Variants in ARIH1 observed in about 807,000 individuals in gnomAD.
ARIH1 encodes ariadne RBR E3 ubiquitin protein ligase 1, also known as E3 ubiquitin-protein ligase ARIH1.
ARIH1 carries 8 observed loss-of-function variants against 85.0 expected under a neutral mutation model. That is an observed-to-expected ratio of 0.09 (90% CI 0.06 to 0.17). The LOEUF (loss-of-function observed/expected upper bound fraction) is 0.17. Among genes scored for constraint, ARIH1 ranks in the 10% least tolerant of loss-of-function variants. ARIH1 has a pLI of 1.00. For missense variants in ARIH1, 311 were observed against 718.1 expected (o/e 0.43, Z 6.48); for synonymous variants, 238 against 253.6 (o/e 0.94, Z 0.59).
At chr15:72,558,917 A>T (rs753937841) in intron 5 of ARIH1, among the ~76,000 whole-genome samples, 11 of 152,204 alleles carry the variant, frequency 7.2e-5, no homozygotes, top group Non-Finnish European at 1.5e-4. Context: ...ATGTGTAAAT[A>T]AGATGTGTGT....
chr15:72,570,386 G>A, intron 10 of ARIH1, 79 bp downstream of exon 10: 1 of 1,544,482 alleles, frequency 6.5e-7, no homozygotes, highest in Non-Finnish European at 8.8e-7. Context: ...CTACCTCATA[G>A]ATATCACCAT....
intron 11 of ARIH1, among the ~76,000 whole-genome samples, chr15:72,577,099 C>T (rs757761249): frequency 1.3e-5 from 2 of 151,982 alleles, no homozygotes; most frequent in Admixed American, 6.5e-5. Context: ...TCTCCTGCCT[C>T]AGCCTCCCAA....
chr15:72,566,945 CATTGTAGCTATGGG>C (rs1454586250), intron 8 of ARIH1, among the ~76,000 whole-genome samples, 147 bp from the exon 9 acceptor site: 1 of 152,162 alleles, frequency 6.6e-6, no homozygotes, highest in South Asian at 2.1e-4. Flanking sequence ...ATATACTGGA[CATTGTAGCTATGGG>C]ATTTCCCTGG....
chr15:72,537,212 A>T (rs186800828), intron 2 of ARIH1, among the ~76,000 whole-genome samples: 2 of 152,206 alleles, frequency 1.3e-5, no homozygotes, highest in Admixed American at 1.3e-4. Flanking sequence ...GGAATTCTGA[A>T]CTTACCTAGT....
intron 1 of ARIH1, among the ~76,000 whole-genome samples, chr15:72,510,283 A>G: frequency 6.6e-6 from 1 of 152,068 alleles, no homozygotes; most frequent in African/African-American, 2.4e-5. Flanking sequence ...AGTATCTTTT[A>G]CTTTCGATGG....
At chr15:72,495,248 A>G (rs1378659729) in intron 1 of ARIH1, among the ~76,000 whole-genome samples, 2 of 152,178 alleles carry the variant, frequency 1.3e-5, no homozygotes, top group Non-Finnish European at 2.9e-5. Context: ...GCTAATGAGT[A>G]TAGGGTTTCT....
At chr15:72,561,674 A>G in intron 6 of ARIH1, 125 bp downstream of exon 6, 1 of 622,854 alleles carries the variant, frequency 1.6e-6, no homozygotes, top group East Asian at 3.1e-5. Flanking sequence ...ATGCCAAAAT[A>G]CCTTTATTCT....
chr15:72,528,883 T>C (rs562255636), intron 2 of ARIH1, among the ~76,000 whole-genome samples: 2 of 152,016 alleles, frequency 1.3e-5, no homozygotes, highest in South Asian at 4.2e-4. Flanking sequence ...TCACGTATTA[T>C]TGAGGAGAGT....
At chr15:72,568,098 C>T (rs2064228748) in intron 9 of ARIH1, among the ~76,000 whole-genome samples, 1 of 152,156 alleles carries the variant, frequency 6.6e-6, no homozygotes. Context: ...AATCTTGCCA[C>T]ATAAAACAAA....
chr15:72,539,383 A>G (rs2064096503), intron 2 of ARIH1, among the ~76,000 whole-genome samples: 1 of 152,090 alleles, frequency 6.6e-6, no homozygotes, highest in African/African-American at 2.4e-5. Flanking sequence ...TAAACATAAG[A>G]CTCTTGAGAT....
chr15:72,575,054 C>T (rs944866520), intron 11 of ARIH1, among the ~76,000 whole-genome samples: 3 of 151,912 alleles, frequency 2.0e-5, no homozygotes, highest in Non-Finnish European at 2.9e-5. Flanking sequence ...GCCATGATGA[C>T]GCCACCCCTC....
chr15:72,518,194 A>C (rs1006839874), intron 2 of ARIH1, 60 bp downstream of exon 2: 4 of 1,391,972 alleles, frequency 2.9e-6, no homozygotes, highest in Non-Finnish European at 4.0e-6. Context: ...TATTGAACCG[A>C]ATTTACAAGA....
At chr15:72,483,339 G>A (rs1327914068) in intron 1 of ARIH1, among the ~76,000 whole-genome samples, 1 of 152,182 alleles carries the variant, frequency 6.6e-6, no homozygotes, top group Non-Finnish European at 1.5e-5. Flanking sequence ...CCAGAGTGAG[G>A]GATCTTAGAG....
chr15:72,583,329 C>G lies in ARIH1; in HGVS notation c.*37C>G. 1 of 1,533,592 alleles carries G rather than the reference C, an allele frequency of 6.5e-7. No homozygotes were observed. The highest frequency in any genetic ancestry group is 9.0e-7 in the Non-Finnish European group (1 of 1,112,926). The allele number at this position is 1,533,592 out of a possible 1,614,324, so 95.0% of individuals were successfully genotyped here. A position where few individuals can be genotyped will look rare whatever the true frequency, so the allele number is the denominator to read the frequency against. Reference sequence around the variant, plus strand: ...CATAAAATGAACTCTGAAAACTTTACCATCTAGAGTGCTCATGCAATTAAA... The same window carrying G: ...CATAAAATGAACTCTGAAAACTTTAGCATCTAGAGTGCTCATGCAATTAAA... On this transcript the variant is annotated 3_prime_UTR_variant, in exon 14 of 14. Coordinates refer to ENST00000379887, the MANE Select transcript of ARIH1 (RefSeq NM_005744.5).
At chr15:72,492,220 A>G (rs1171587651) in intron 1 of ARIH1, among the ~76,000 whole-genome samples, 1 of 152,216 alleles carries the variant, frequency 6.6e-6, no homozygotes, top group Non-Finnish European at 1.5e-5. Flanking sequence ...AATAGAATAC[A>G]TATATATTAT....
intron 11 of ARIH1, among the ~76,000 whole-genome samples, chr15:72,575,654 T>C (rs1420494917): frequency 6.6e-6 from 1 of 151,772 alleles, no homozygotes; most frequent in Admixed American, 6.6e-5. Flanking sequence ...AATTCTTAGA[T>C]TAAGTCAAGT....
intron 1 of ARIH1, among the ~76,000 whole-genome samples, chr15:72,494,042 C>G (rs749813378): frequency 6.6e-6 from 1 of 152,070 alleles, no homozygotes; most frequent in Non-Finnish European, 1.5e-5. Flanking sequence ...AATGCAGAAC[C>G]CTTCCCTAAC....
chr15:72,553,017 C>T (rs866433780), intron 3 of ARIH1, among the ~76,000 whole-genome samples: 6 of 151,998 alleles, frequency 3.9e-5, no homozygotes, highest in Admixed American at 2.0e-4. Flanking sequence ...GTAAGTGATC[C>T]GCCCACCTCT....
chr15:72,563,624 T>C (rs2064206481), intron 7 of ARIH1, 124 bp downstream of exon 7: 1 of 740,170 alleles, frequency 1.4e-6, no homozygotes, highest in South Asian at 1.8e-5. Flanking sequence ...TTGATACTGG[T>C]TTAAAATAGT....
Sources: allele counts gnomAD v4.1 joint callset (sites outside exome capture counted in the v4.1 genomes callset), GRCh38; gene constraint gnomAD v4.1.1; transcripts MANE v1.5; gene names NCBI Gene and HGNC (gene_info 2026-07-23, HGNC 2026-07-21).